Variants in PRKCA observed in about 807,000 individuals in gnomAD.
PRKCA encodes protein kinase C alpha type.
PRKCA carries 27 observed loss-of-function variants against 87.0 expected under a neutral mutation model. That is an observed-to-expected ratio of 0.31 (90% CI 0.23 to 0.43). PRKCA has a LOEUF of 0.43. PRKCA is among the 20% of genes least tolerant of loss of function. PRKCA has a pLI of 1.00. For synonymous variants in PRKCA, 329 were observed against 311.1 expected, an observed-to-expected ratio of 1.06 and a Z score of -0.61; for missense variants, 518 against 852.3, an observed-to-expected ratio of 0.61 and a Z score of 4.88.
intron 2 of PRKCA, among the ~76,000 whole-genome samples, chr17:66,420,284 C>T (rs1025795657): frequency 2.9e-4 from 44 of 152,042 alleles, no homozygotes; most frequent in African/African-American, 9.7e-4. Flanking sequence ...GCTAGGATGA[C>T]AGGCGTGAAC....
chr17:66,623,136 TACCAGA>T (rs1021082710), intron 3 of PRKCA, among the ~76,000 whole-genome samples: 1 of 152,268 alleles, frequency 6.6e-6, no homozygotes, highest in African/African-American at 2.4e-5. Context: ...TCCTTCTTTG[TACCAGA>T]ATGCCTGTGT....
chr17:66,709,681 GT>G (rs60508263), intron 8 of PRKCA, among the ~76,000 whole-genome samples: 10,128 of 146,674 alleles, frequency 0.069, 371 homozygotes, highest in South Asian at 0.15. Context: ...GTTAAGATAG[GT>G]TTTTTTTTTT....
chr17:66,452,360 T>C (rs1914369236), intron 2 of PRKCA, among the ~76,000 whole-genome samples: 1 of 152,188 alleles, frequency 6.6e-6, no homozygotes. Flanking sequence ...ACCTTCTATG[T>C]GGTCCCTTCG....
intron 2 of PRKCA, among the ~76,000 whole-genome samples, chr17:66,338,768 C>T (rs1034443505): frequency 6.6e-6 from 1 of 152,156 alleles, no homozygotes; most frequent in East Asian, 1.9e-4. Context: ...GATGTTTTTG[C>T]TATTTTAATT....
chr17:66,731,641 A>G (rs962382230), intron 8 of PRKCA, among the ~76,000 whole-genome samples: 16 of 152,134 alleles, frequency 1.1e-4, no homozygotes, highest in East Asian at 5.8e-4. Flanking sequence ...TGCCTTTGAC[A>G]TGGACTCTGA....
At chr17:66,374,237 C>T (rs1376443761) in intron 2 of PRKCA, among the ~76,000 whole-genome samples, 1 of 152,188 alleles carries the variant, frequency 6.6e-6, no homozygotes, top group Non-Finnish European at 1.5e-5. Context: ...CTCCAGCTCG[C>T]CCCGCCTGAC....
Position 66,720,196 on chromosome 17 carries a change from A to G in PRKCA, c.919-12492A>G, listed in dbSNP as rs547700453. Among the ~76,000 whole-genome samples the G allele has an allele frequency of 5.3e-5, 8 of 152,370 alleles. No homozygotes were observed. The South Asian group carries it at 1.7e-3, about 32-fold the overall frequency. On this transcript the variant is annotated intron_variant, in intron 8 of 16. Transcript: ENST00000413366. ...AGAAGGAGTAGGGAGCCTCGGGGCT[A>G]AAGCATCCTTTGAGCAGAGATAGAA...
chr17:66,391,373 CCT>C (rs1910348889), intron 2 of PRKCA, among the ~76,000 whole-genome samples: 1 of 152,186 alleles, frequency 6.6e-6, no homozygotes, highest in Non-Finnish European at 1.5e-5. Flanking sequence ...GATGGATGTT[CCT>C]CTCCTTCCTT....
At chr17:66,630,922 C>T (rs1970993367) in intron 3 of PRKCA, among the ~76,000 whole-genome samples, 2 of 152,240 alleles carry the variant, frequency 1.3e-5, no homozygotes, top group Admixed American at 6.5e-5. Context: ...TATTTGCTGT[C>T]CCCTTCTGGG....
intron 4 of PRKCA, 88 bp from the exon 5 acceptor site, chr17:66,645,295 T>A (rs1971421546): frequency 6.3e-7 from 1 of 1,580,160 alleles, no homozygotes; most frequent in African/African-American, 1.3e-5. Flanking sequence ...GGGTAACTCA[T>A]TTTCACTTGT....
intron 2 of PRKCA, among the ~76,000 whole-genome samples, chr17:66,420,889 T>G (rs887338337): frequency 1.3e-5 from 2 of 152,182 alleles, no homozygotes; most frequent in African/African-American, 2.4e-5. Context: ...TCCCCTCCTT[T>G]GTGGAATTTC....
intron 8 of PRKCA, among the ~76,000 whole-genome samples, chr17:66,705,515 G>C (rs938496108): frequency 6.6e-6 from 1 of 152,240 alleles, no homozygotes; most frequent in African/African-American, 2.4e-5. Flanking sequence ...GTGCATTCTA[G>C]TTGTCTGTCT....
chr17:66,754,173 C>T (rs970744540), intron 13 of PRKCA, among the ~76,000 whole-genome samples: 33 of 151,824 alleles, frequency 2.2e-4, no homozygotes, highest in African/African-American at 7.5e-4. Context: ...TGTTATAAAG[C>T]GAGATGTATT....
At chr17:66,437,070 C>G (rs1913434552) in intron 2 of PRKCA, among the ~76,000 whole-genome samples, 1 of 151,998 alleles carries the variant, frequency 6.6e-6, no homozygotes, top group Non-Finnish European at 1.5e-5. Flanking sequence ...CAAACGAAGC[C>G]AGGAGTTAAG....
intron 1 of PRKCA, among the ~76,000 whole-genome samples, chr17:66,303,506 G>GA (rs1904633501): frequency 6.6e-6 from 1 of 151,920 alleles, no homozygotes; most frequent in Admixed American, 6.5e-5. Context: ...TTCGGGGTGG[G>GA]GGGGTTGTGT....
At chr17:66,568,132 C>T (rs1021898251) in intron 3 of PRKCA, among the ~76,000 whole-genome samples, 4 of 152,070 alleles carry the variant, frequency 2.6e-5, no homozygotes, top group Non-Finnish European at 5.9e-5. Context: ...CTGGCCAACA[C>T]GATGAAACCC....
chr17:66,324,942 A>G (rs1905887084), intron 2 of PRKCA, among the ~76,000 whole-genome samples: 1 of 152,242 alleles, frequency 6.6e-6, no homozygotes, highest in Non-Finnish European at 1.5e-5. Context: ...TTCCTAGGCT[A>G]CATCCTTTCC....
chr17:66,520,820 T>A lies in PRKCA; in HGVS notation c.288+24537T>A, dbSNP rs180723792. Among the ~76,000 whole-genome samples, 98 of 152,334 alleles carry A rather than the reference T, an allele frequency of 6.4e-4. 1 individual carries two copies. Among genetic ancestry groups the A allele is most frequent in the African/African-American group, 2.0e-3 (85 of 41,576 alleles). On this transcript the variant is annotated intron_variant, in intron 3 of 16. Coordinates refer to ENST00000413366, the MANE Select transcript of PRKCA (RefSeq NM_002737.3). The stretch of plus-strand genomic sequence containing the variant: ...CCTAAAAGATTTCTTCCTAAACTTA[T>A]CAGGAAAAGTAAAATGACTCCAGTA...
intron 3 of PRKCA, among the ~76,000 whole-genome samples, chr17:66,573,969 A>G (rs1394913856): frequency 2.0e-5 from 3 of 152,198 alleles, no homozygotes; most frequent in Admixed American, 2.0e-4. Flanking sequence ...TAAAAAATGA[A>G]TTTATTTTAA....
Sources: allele counts gnomAD v4.1 joint callset (sites outside exome capture counted in the v4.1 genomes callset), GRCh38; gene constraint gnomAD v4.1.1; transcripts MANE v1.5; gene names NCBI Gene and HGNC (gene_info 2026-07-23, HGNC 2026-07-21).